Variants in SHISA9 observed in about 807,000 individuals in gnomAD.
SHISA9 encodes protein shisa-9.
Under a neutral mutation model 38.0 loss-of-function variants are expected in SHISA9, and 13 were observed. The observed-to-expected ratio is 0.34, with a 90% CI of 0.22 to 0.54. The LOEUF is 0.54. Among genes scored for constraint, SHISA9 ranks in the 20% least tolerant of loss-of-function variants. The pLI, the probability that SHISA9 is intolerant of heterozygous loss-of-function variation, is 0.91. For synonymous variants in SHISA9, 275 were observed against 242.0 expected, an observed-to-expected ratio of 1.14 and a Z score of -1.27; for missense variants, 538 against 575.8, an observed-to-expected ratio of 0.93 and a Z score of 0.67.
At chr16:13,215,132 A>G (rs1489738791) in intron 4 of SHISA9, among the ~76,000 whole-genome samples, 2 of 152,144 alleles carry the variant, frequency 1.3e-5, no homozygotes, top group East Asian at 3.9e-4. Context: ...GAGAGACTAC[A>G]AAAAGTACTG....
the SHISA9 span, among the ~76,000 whole-genome samples, chr16:13,433,510 A>C: frequency 7.4e-6 from 1 of 134,322 alleles, no homozygotes; most frequent in East Asian, 2.2e-4. Context: ...TCCTTATTTC[A>C]TGGGTGAAGA....
chr16:13,439,705 A>C, the SHISA9 span, among the ~76,000 whole-genome samples: 2 of 152,192 alleles, frequency 1.3e-5, no homozygotes, highest in African/African-American at 2.4e-5. Flanking sequence ...CAAGTTCTCA[A>C]ATCTTTAATA....
the SHISA9 span, among the ~76,000 whole-genome samples, chr16:13,496,224 T>C: frequency 6.6e-6 from 1 of 152,218 alleles, no homozygotes; most frequent in African/African-American, 2.4e-5. Flanking sequence ...AACATCAAAC[T>C]AGTCTCATTT....
the SHISA9 span, among the ~76,000 whole-genome samples, chr16:13,484,855 G>T: frequency 6.6e-6 from 1 of 152,076 alleles, no homozygotes. Context: ...CAGCAAGGGG[G>T]ACGTCCACTC....
At chr16:13,394,190 A>G in the SHISA9 span, among the ~76,000 whole-genome samples, 1 of 152,210 alleles carries the variant, frequency 6.6e-6, no homozygotes, top group Non-Finnish European at 1.5e-5. Context: ...ACTAGTCCAG[A>G]GAGAATGAGG....
intron 1 of SHISA9, among the ~76,000 whole-genome samples, chr16:12,914,017 G>C (rs541463313): frequency 6.8e-6 from 1 of 147,036 alleles, no homozygotes. Context: ...TGCAGCCCTC[G>C]TTTATTTATT....
At chr16:13,456,512 C>G in the SHISA9 span, among the ~76,000 whole-genome samples, 1 of 152,236 alleles carries the variant, frequency 6.6e-6, no homozygotes, top group East Asian at 1.9e-4. Flanking sequence ...GCCACTGCGT[C>G]ATGAAGAATT....
At chr16:13,463,084 G>C in the SHISA9 span, among the ~76,000 whole-genome samples, 5 of 152,172 alleles carry the variant, frequency 3.3e-5, no homozygotes, top group Admixed American at 3.3e-4. Context: ...TGAGCCTGGG[G>C]GGGGAAGGTT....
At chr16:13,450,712 T>A in the SHISA9 span, among the ~76,000 whole-genome samples, 8 of 152,206 alleles carry the variant, frequency 5.3e-5, no homozygotes, top group African/African-American at 1.9e-4. Context: ...GGAATTTGTC[T>A]AAGGTCACAC....
intron 2 of SHISA9, among the ~76,000 whole-genome samples, chr16:12,952,998 A>T (rs558995312): frequency 1.3e-5 from 2 of 152,278 alleles, no homozygotes; most frequent in East Asian, 3.9e-4. Context: ...AATGGGGAAG[A>T]CTAATAACTA....
chr16:13,521,962 A>T, the SHISA9 span, among the ~76,000 whole-genome samples: 1 of 152,146 alleles, frequency 6.6e-6, no homozygotes, highest in African/African-American at 2.4e-5. Flanking sequence ...TAAATTTATT[A>T]TTTTTGCATG....
the SHISA9 span, among the ~76,000 whole-genome samples, chr16:13,472,240 A>G: frequency 6.6e-6 from 1 of 152,038 alleles, no homozygotes; most frequent in African/African-American, 2.4e-5. Flanking sequence ...TATCTAAACT[A>G]GCTCTGAAAT....
At chr16:13,315,236 A>G in the SHISA9 span, among the ~76,000 whole-genome samples, 3 of 152,234 alleles carry the variant, frequency 2.0e-5, no homozygotes, top group Non-Finnish European at 4.4e-5. Flanking sequence ...TGTAAAGAAG[A>G]AATTTCTCTG....
chr16:13,254,050 T>G, the SHISA9 span, among the ~76,000 whole-genome samples: 1 of 152,208 alleles, frequency 6.6e-6, no homozygotes, highest in African/African-American at 2.4e-5. Context: ...GTTTTCAAAA[T>G]GGAGCTCTGG....
the SHISA9 span, among the ~76,000 whole-genome samples, chr16:13,395,966 GA>G: frequency 2.6e-5 from 4 of 151,750 alleles, no homozygotes; most frequent in African/African-American, 4.8e-5. Context: ...ATTATATTCA[GA>G]AAAAAAATTA....
intron 2 of SHISA9, among the ~76,000 whole-genome samples, chr16:13,094,314 T>C (rs1030060278): frequency 3.9e-5 from 6 of 152,190 alleles, no homozygotes; most frequent in African/African-American, 1.4e-4. Flanking sequence ...AAATAGGCCA[T>C]TAGACAAAAG....
chr16:13,265,544 C>T, the SHISA9 span, among the ~76,000 whole-genome samples: 3 of 130,830 alleles, frequency 2.3e-5, no homozygotes, highest in Admixed American at 7.7e-5. Context: ...CTTCCCTTCC[C>T]CGCCCTTCCC....
intron 2 of SHISA9, among the ~76,000 whole-genome samples, chr16:12,977,689 CCA>C (rs2072182789): frequency 6.6e-6 from 1 of 151,960 alleles, no homozygotes; most frequent in Admixed American, 6.6e-5. Context: ...GAGCTGGAAG[CCA>C]TTATCCTCAG....
At chr16:13,106,250 T>TGCCTCC (rs2073924233) in intron 2 of SHISA9, among the ~76,000 whole-genome samples, 1 of 152,220 alleles carries the variant, frequency 6.6e-6, no homozygotes, top group Non-Finnish European at 1.5e-5. Flanking sequence ...CTGGTACATC[T>TGCCTCC]GCCTCCCTTG....
Sources: gnomAD v4.1 joint callset for allele counts (sites outside exome capture counted in the v4.1 genomes callset) on GRCh38, gnomAD v4.1.1 for gene constraint, MANE v1.5 for transcripts, NCBI Gene and HGNC (gene_info 2026-07-23, HGNC 2026-07-21) for gene names.